The following AGAP1 variants were observed in gnomAD, a reference collection of about 807,000 sequenced individuals.
AGAP1 encodes arf-GAP with GTPase, ANK repeat and PH domain-containing protein 1.
Under a neutral mutation model 105.3 loss-of-function variants are expected in AGAP1, and 29 were observed. That is an observed-to-expected ratio of 0.28 (90% CI 0.21 to 0.38). The LOEUF is 0.38. Among genes scored for constraint, AGAP1 ranks in the 10% least tolerant of loss-of-function variants. The pLI is 1.00. For missense variants in AGAP1, 998 were observed against 1,165.1 expected, an observed-to-expected ratio of 0.86 and a Z score of 2.09; for synonymous variants, 509 against 485.9, an observed-to-expected ratio of 1.05 and a Z score of -0.63.
intron 1 of AGAP1, among the ~76,000 whole-genome samples, chr2:235,646,960 C>T (rs1457740337): frequency 1.3e-5 from 2 of 151,878 alleles, no homozygotes; most frequent in African/African-American, 2.4e-5. Flanking sequence ...ATGGTGAAAC[C>T]CCGTCTCCAC....
rs1419099107 is a variant in AGAP1, at chr2:236,095,258, G to A, written c.2115-24934G>A. Among the ~76,000 whole-genome samples, 1 of 152,004 alleles carries A rather than the reference G, an allele frequency of 6.6e-6. No homozygotes were observed. The highest frequency in any genetic ancestry group is 1.5e-5 in the Non-Finnish European group (1 of 68,004). On this transcript the variant is annotated intron_variant, in intron 16 of 17. Coordinates refer to ENST00000304032, the MANE Select transcript of AGAP1 (RefSeq NM_001037131.3). This position sits in a 1 kb window ranked among gnomAD's most constrained non-coding sequence, Gnocchi z 4.1. ...CAAAAAAGTTAAAAATTAGCCAGGC[G>A]TGGTTGCATGCACCTGTGGTCCCAG...
At chr2:235,806,523 G>A (rs1957841782) in intron 8 of AGAP1, among the ~76,000 whole-genome samples, 1 of 152,010 alleles carries the variant, frequency 6.6e-6, no homozygotes, top group Non-Finnish European at 1.5e-5. Context: ...CTTCCTGCCC[G>A]GTGGCAGCCA....
chr2:235,590,710 T>TGC (rs1399589230), intron 1 of AGAP1, among the ~76,000 whole-genome samples: 5 of 106,412 alleles, frequency 4.7e-5, no homozygotes, highest in Non-Finnish European at 1.1e-4. Flanking sequence ...TGTGTGTGTG[T>TGC]GTGCATTTTT....
At chr2:235,894,992 C>T (rs1275516737) in intron 10 of AGAP1, among the ~76,000 whole-genome samples, 3 of 152,198 alleles carry the variant, frequency 2.0e-5, no homozygotes, top group Admixed American at 2.0e-4. Flanking sequence ...CTTCCTCCAC[C>T]CACAGCCTCG....
intron 13 of AGAP1, among the ~76,000 whole-genome samples, chr2:236,004,232 A>G (rs1375533935): frequency 6.6e-6 from 1 of 152,178 alleles, no homozygotes; most frequent in Non-Finnish European, 1.5e-5. Context: ...AGGGGAGATC[A>G]GTGACCACAG....
At chr2:235,884,781 T>G (rs1184037861) in intron 10 of AGAP1, among the ~76,000 whole-genome samples, 1 of 152,146 alleles carries the variant, frequency 6.6e-6, no homozygotes, top group Non-Finnish European at 1.5e-5. Context: ...AATCCATAGT[T>G]GATTGAATCT....
At position 235,582,198 on chromosome 2, in the gene AGAP1, G is replaced by C. The variant is rs536562164; in HGVS notation, c.163+87349G>C. Among the ~76,000 whole-genome samples the C allele has an allele frequency of 1.3e-5, 2 of 152,300 alleles. No homozygotes were observed. Among genetic ancestry groups the C allele is most frequent in the East Asian group, 1.9e-4 (1 of 5,180 alleles). On this transcript the variant is annotated intron_variant, in intron 1 of 17. Transcript: ENST00000304032. This position sits in a 1 kb window ranked among gnomAD's most constrained non-coding sequence, Gnocchi z 4.7. Reference sequence around the variant, plus strand: ...ACCAGATGTGAGCCCTGGAGCGCATGATTGTGGTTTTGACCCATTCTTGCC... The same window carrying C: ...ACCAGATGTGAGCCCTGGAGCGCATCATTGTGGTTTTGACCCATTCTTGCC...
At chr2:235,823,731 G>A (rs897893865) in intron 9 of AGAP1, among the ~76,000 whole-genome samples, 2 of 152,200 alleles carry the variant, frequency 1.3e-5, no homozygotes, top group Admixed American at 6.5e-5. Flanking sequence ...CTTTTTCTAA[G>A]TTGAATCTTT....
rs10191456 is a variant in AGAP1, at chr2:235,961,232, G to A, written c.1484-7230G>A. Among the ~76,000 whole-genome samples, 7,943 of 152,278 alleles carry A rather than the reference G, an allele frequency of 0.052. 415 individuals are homozygous for A. The highest frequency in any genetic ancestry group is 0.13 in the African/African-American group (5,411 of 41,538). On this transcript the variant is annotated intron_variant, in intron 12 of 17. Transcript: ENST00000304032. The surrounding 1 kb of genome is among the most constrained non-coding windows in gnomAD (Gnocchi z 5.9). ...CAGGGGGCCGGGAGGGGCTGGATGC[G>A]CCAGTGGCCAGCTTGGGGAAGGCCT... is the stretch of plus-strand genomic sequence containing the variant.
intron 17 of AGAP1, among the ~76,000 whole-genome samples, chr2:236,122,371 CAT>C (rs992329365): frequency 6.6e-6 from 1 of 152,098 alleles, no homozygotes; most frequent in Non-Finnish European, 1.5e-5. Flanking sequence ...AGGACTTAAA[CAT>C]GTGAATTGTT....
intron 3 of AGAP1, among the ~76,000 whole-genome samples, chr2:235,722,822 A>T (rs1384204351): frequency 6.6e-6 from 1 of 152,178 alleles, no homozygotes; most frequent in Non-Finnish European, 1.5e-5. Flanking sequence ...TTGCTGGGCT[A>T]CATTGGAAGA....
chr2:235,955,943 G>A (rs190135787), intron 12 of AGAP1, among the ~76,000 whole-genome samples: 37 of 152,236 alleles, frequency 2.4e-4, no homozygotes, highest in African/African-American at 8.4e-4. Context: ...TGCAGCAGTG[G>A]GTCATTTGAC....
chr2:235,841,649 A>G (rs1960857862), intron 9 of AGAP1, among the ~76,000 whole-genome samples: 1 of 152,138 alleles, frequency 6.6e-6, no homozygotes, highest in African/African-American at 2.4e-5. Flanking sequence ...GAAAAATTGT[A>G]GCTTATCATT....
At chr2:235,516,316 C>T (rs559134516) in intron 1 of AGAP1, among the ~76,000 whole-genome samples, 2 of 152,286 alleles carry the variant, frequency 1.3e-5, no homozygotes, top group Admixed American at 6.5e-5. Flanking sequence ...AAATGCTGTA[C>T]TCCTTCCCTG....
At position 235,665,437 on chromosome 2, in the gene AGAP1, T is replaced by C. The variant is rs2149345519; in HGVS notation, c.164-43742T>C. Among the ~76,000 whole-genome samples, 1 of 152,238 alleles carries C rather than the reference T, an allele frequency of 6.6e-6. No homozygotes were observed. Among genetic ancestry groups the C allele is most frequent in the South Asian group, 2.1e-4 (1 of 4,824 alleles). On this transcript the variant is annotated intron_variant, in intron 1 of 17. Transcript: ENST00000304032. This position sits in a 1 kb window ranked among gnomAD's most constrained non-coding sequence, Gnocchi z 5.3. ...AGTTCCACGTTTAACCTTCAGCTTT[T>C]AAAACGAGAGAAATAGGGTCCCCAG...
chr2:235,909,948 G>A (rs1249705462), intron 11 of AGAP1, among the ~76,000 whole-genome samples: 1 of 152,090 alleles, frequency 6.6e-6, no homozygotes, highest in African/African-American at 2.4e-5. Flanking sequence ...TTGAACCCAG[G>A]AGGCAGAGGT....
At position 235,788,740 on chromosome 2, in the gene AGAP1, TGGTG is replaced by T. The variant is rs1167656639; in HGVS notation, c.674-9016_674-9013del. On this transcript the variant is annotated intron_variant, in intron 6 of 17. Coordinates refer to ENST00000304032, the MANE Select transcript of AGAP1 (RefSeq NM_001037131.3). This position sits in a 1 kb window ranked among gnomAD's most constrained non-coding sequence, Gnocchi z 6.0. ...CATTTGGAGCCCCTTCTTTCCCAAATGGTGGGGAGAAGTGCTGGCGGAAGCAGAA... is the reference window on the plus strand; with the variant it reads ...CATTTGGAGCCCCTTCTTTCCCAAATGGGAGAAGTGCTGGCGGAAGCAGAA... Among the ~76,000 whole-genome samples the T allele has an allele frequency of 6.6e-6, 1 of 151,892 alleles. No individual in the cohort carries two copies. The highest frequency in any genetic ancestry group is 2.4e-5 in the African/African-American group (1 of 41,330).
intron 6 of AGAP1, among the ~76,000 whole-genome samples, chr2:235,790,786 G>A (rs1451680085): frequency 3.3e-5 from 5 of 152,172 alleles, no homozygotes; most frequent in African/African-American, 1.2e-4. Flanking sequence ...CCCTGGCCCC[G>A]GGAAGTTAAA....
At position 235,552,179 on chromosome 2, in the gene AGAP1, ACT is replaced by A. The variant is rs1943836242; in HGVS notation, c.163+57333_163+57334del. On this transcript the variant is annotated intron_variant, in intron 1 of 17. Transcript: ENST00000304032. The surrounding 1 kb of genome is among the most constrained non-coding windows in gnomAD (Gnocchi z 5.9). ...TGTGCTTGGTGTTCATTGCCCCGTAACTCTGGCCGCGGTAGTCTGGACAGGGC... is the reference window on the plus strand; with the variant it reads ...TGTGCTTGGTGTTCATTGCCCCGTAACTGGCCGCGGTAGTCTGGACAGGGC... Among the ~76,000 whole-genome samples the A allele has an allele frequency of 6.6e-6, 1 of 151,876 alleles. No individual in the cohort carries two copies. Among genetic ancestry groups the A allele is most frequent in the African/African-American group, 2.4e-5 (1 of 41,338 alleles).
Sources: allele counts gnomAD v4.1 joint callset (sites outside exome capture counted in the v4.1 genomes callset), GRCh38; gene constraint gnomAD v4.1.1; non-coding constraint Gnocchi (gnomAD v3.1); transcripts MANE v1.5; gene names NCBI Gene and HGNC (gene_info 2026-07-23, HGNC 2026-07-21).